The following EYS variants were observed in gnomAD, a reference collection of about 807,000 sequenced individuals.
EYS encodes EGF-like photoreceptor maintenance factor.
EYS carries 250 observed loss-of-function variants against 282.1 expected under a neutral mutation model. That is an observed-to-expected ratio of 0.89 (90% CI 0.80 to 0.98). The LOEUF (loss-of-function observed/expected upper bound fraction) is 0.98, where lower values mean the gene tolerates loss of function less well. EYS is among the 50% of genes least tolerant of loss of function. The probability of loss-of-function intolerance (pLI) is 0.00; values close to 1 mark genes in which losing one functional copy is unlikely to be tolerated. For missense variants in EYS, 4,016 were observed against 3,709.0 expected (o/e 1.08, Z -2.15); for synonymous variants, 1,355 against 1,282.9 (o/e 1.06, Z -1.20).
In EYS at chr6:64,825,348, T is replaced by G. The variant is rs1391283422; in HGVS notation, c.2993-2526A>C. ...AGCATTCCATAAGATGTATTCATCT[T>G]TTTTTTCTTTTTCTCTCTATTTCTC... On this transcript the variant is annotated intron_variant, in intron 19 of 42. Transcript: ENST00000503581. Among the ~76,000 whole-genome samples the G allele has an allele frequency of 3.9e-5, 6 of 151,902 alleles. No homozygotes were observed. The Admixed American group carries it at 4.0e-4, about 10-fold the overall frequency.
At chr6:63,949,417 T>C (rs535528867) in intron 35 of EYS, among the ~76,000 whole-genome samples, 12 of 152,324 alleles carry the variant, frequency 7.9e-5, no homozygotes, top group Non-Finnish European at 1.5e-4. Context: ...CCTGGGTAGC[T>C]TTCTTATATA....
chr6:63,900,375 G>A (rs1390195046), intron 35 of EYS, among the ~76,000 whole-genome samples: 1 of 152,102 alleles, frequency 6.6e-6, no homozygotes, highest in African/African-American at 2.4e-5. Flanking sequence ...AATGGGGGAG[G>A]GGGTGTGAAG....
At chr6:64,815,140 C>A in intron 21 of EYS, 2 of 381,520 alleles carry the variant, frequency 5.2e-6, no homozygotes, top group Non-Finnish European at 5.2e-6. Flanking sequence ...AGATAGTGAT[C>A]TTGTACACCC....
chr6:65,296,474 G>T (rs1246009146), intron 11 of EYS, among the ~76,000 whole-genome samples: 1 of 151,324 alleles, frequency 6.6e-6, no homozygotes, highest in East Asian at 1.9e-4. Context: ...AAGTAATTGT[G>T]GTTTTTTTCA....
chr6:65,591,337 C>G (rs9363403), intron 2 of EYS, among the ~76,000 whole-genome samples: 25,952 of 151,638 alleles, frequency 0.17, 2,758 homozygotes, highest in Middle Eastern at 0.34. Context: ...TAGCTACTTA[C>G]TATATACTTA....
chr6:65,380,417 T>C (rs1373840176), intron 8 of EYS, among the ~76,000 whole-genome samples: 22 of 152,142 alleles, frequency 1.4e-4, no homozygotes. Context: ...TGGCTAGCCA[T>C]ATGCAGAAAA....
At chr6:63,787,393 C>G (rs1344739620) in intron 39 of EYS, 2 of 152,186 alleles carry the variant, frequency 1.3e-5, no homozygotes, top group Non-Finnish European at 2.9e-5. Flanking sequence ...GATGGACTTT[C>G]AATTTTTACT....
In EYS at chr6:64,826,505, C is replaced by T. The variant is rs949474675; in HGVS notation, c.2993-3683G>A. Among the ~76,000 whole-genome samples the T allele has an allele frequency of 3.3e-5, 5 of 151,486 alleles. 1 individual carries two copies. Among genetic ancestry groups the T allele is most frequent in the South Asian group, 4.2e-4 (2 of 4,802 alleles). On this transcript the variant is annotated intron_variant, in intron 19 of 42. Transcript: ENST00000503581. ...TATTTAAAAATCCTCTTTACTAGTCCGCCTCAACATCTGCCTCCAGATTGA... is the reference window on the plus strand; with the variant it reads ...TATTTAAAAATCCTCTTTACTAGTCTGCCTCAACATCTGCCTCCAGATTGA...
chr6:64,287,932 AGT>A (rs1230950637), intron 30 of EYS, among the ~76,000 whole-genome samples: 3 of 152,144 alleles, frequency 2.0e-5, no homozygotes, highest in Non-Finnish European at 4.4e-5. Flanking sequence ...CAAATTTTTG[AGT>A]GATTGTATGA....
intron 41 of EYS, chr6:63,741,997 C>CT (rs1769087800): frequency 1.0e-5 from 7 of 701,724 alleles, no homozygotes; most frequent in Non-Finnish European, 1.8e-5. Flanking sequence ...AGAGAAGGGT[C>CT]TTTTTTGTCT....
chr6:64,100,743 C>A (rs559216543), intron 31 of EYS, among the ~76,000 whole-genome samples: 1 of 152,098 alleles, frequency 6.6e-6, no homozygotes, highest in Non-Finnish European at 1.5e-5. Context: ...TAAGTTAGAA[C>A]CCTGAACCTT....
At position 65,317,817 on chromosome 6, in the gene EYS, CCTTCCTTCCTTTCTTTCTTTCTTTCTTT is replaced by C. The variant is rs1330076456; in HGVS notation, c.1766+17135_1766+17162del. On this transcript the variant is annotated intron_variant, in intron 11 of 42. Coordinates refer to ENST00000503581, the MANE Select transcript of EYS (RefSeq NM_001142800.2). ...TCCTTCCTTCCTTCCTTCCTTCCTTCCTTCCTTCCTTTCTTTCTTTCTTTCTTTCTTTCTTTCTTTCTTTCTTTCTTTC... is the reference window on the plus strand; with the variant it reads ...TCCTTCCTTCCTTCCTTCCTTCCTTCCTTTCTTTCTTTCTTTCTTTCTTTC... Among the ~76,000 whole-genome samples, 29 of 50,520 alleles carry C rather than the reference CCTTCCTTCCTTTCTTTCTTTCTTTCTTT, an allele frequency of 5.7e-4. No homozygotes were observed. In the South Asian group the frequency reaches 0.016, roughly 28 times the overall value. The allele number at this position is 50,520 out of a possible 152,430, so 33.1% of individuals were successfully genotyped here. A position where few individuals can be genotyped will look rare whatever the true frequency, so the allele number is the denominator to read the frequency against.
chr6:65,016,089 C>T (rs529552099), intron 13 of EYS, among the ~76,000 whole-genome samples: 24 of 141,346 alleles, frequency 1.7e-4, no homozygotes, highest in East Asian at 4.3e-4. Flanking sequence ...AAAAAACAGG[C>T]GCCATGGCTC....
At chr6:63,965,255 T>C (rs909902776) in intron 35 of EYS, among the ~76,000 whole-genome samples, 1 of 152,180 alleles carries the variant, frequency 6.6e-6, no homozygotes, top group African/African-American at 2.4e-5. Context: ...TCGATAAGCT[T>C]TGTTCCTCCA....
At chr6:64,960,827 T>C (rs1769886806) in intron 14 of EYS, among the ~76,000 whole-genome samples, 1 of 152,116 alleles carries the variant, frequency 6.6e-6, no homozygotes, top group African/African-American at 2.4e-5. Flanking sequence ...CCTCTGATGG[T>C]CCCCAATGTG....
chr6:64,154,188 C>T (rs1336334722), intron 31 of EYS, among the ~76,000 whole-genome samples: 1 of 152,076 alleles, frequency 6.6e-6, no homozygotes, highest in Non-Finnish European at 1.5e-5. Context: ...CGCCTGTAAT[C>T]CCAGCACTTT....
intron 26 of EYS, among the ~76,000 whole-genome samples, chr6:64,529,452 G>A (rs139886056): frequency 7.2e-5 from 11 of 152,112 alleles, no homozygotes; most frequent in South Asian, 2.1e-4. Flanking sequence ...AGATGAGAAC[G>A]AGATTAATCA....
chr6:63,891,436 G>A lies in EYS; in HGVS notation c.7056-27078C>T, dbSNP rs541048946. ...GGGAGGCAAGGCTGGTTCAACATAC[G>A]CAAATCAATAAACATAATCCATCAC... is the stretch of plus-strand genomic sequence containing the variant. On this transcript the variant is annotated intron_variant, in intron 35 of 42. Coordinates refer to ENST00000503581, the MANE Select transcript of EYS (RefSeq NM_001142800.2). 5.1e-4 allele frequency among the ~76,000 whole-genome samples: 77 copies of A among 151,152 alleles called. 4 individuals are homozygous for A. In the South Asian group the frequency reaches 0.016, roughly 31 times the overall value.
chr6:63,861,660 A>G (rs1190930768), intron 36 of EYS, among the ~76,000 whole-genome samples: 4 of 152,148 alleles, frequency 2.6e-5, no homozygotes, highest in Non-Finnish European at 4.4e-5. Flanking sequence ...CTAACTGCCA[A>G]TGTGATGGTA....
Sources: gnomAD v4.1 joint callset for allele counts (sites outside exome capture counted in the v4.1 genomes callset) on GRCh38, gnomAD v4.1.1 for gene constraint, MANE v1.5 for transcripts, NCBI Gene and HGNC (gene_info 2026-07-23, HGNC 2026-07-21) for gene names.